The following RBMS3 variants were observed in gnomAD, a reference collection of about 807,000 sequenced individuals.
RBMS3 encodes RNA binding motif single stranded interacting protein 3.
Under a neutral mutation model 66.8 loss-of-function variants are expected in RBMS3, and 27 were observed. That is an observed-to-expected ratio of 0.40 (90% confidence interval 0.30 to 0.56). The LOEUF (loss-of-function observed/expected upper bound fraction) is 0.56. Among genes scored for constraint, RBMS3 ranks in the 20% least tolerant of loss-of-function variants. The pLI is 0.40. For missense variants in RBMS3, 513 were observed against 549.5 expected (o/e 0.93, Z 0.66); for synonymous variants, 188 against 183.0 (o/e 1.03, Z -0.22).
chr3:29,499,894 G>T (rs1185033963), intron 3 of RBMS3, among the ~76,000 whole-genome samples: 1 of 152,032 alleles, frequency 6.6e-6, no homozygotes, highest in African/African-American at 2.4e-5. Context: ...AAACACACTG[G>T]GCCTTGGGCT....
chr3:29,811,261 G>A (rs1376179109), intron 6 of RBMS3, among the ~76,000 whole-genome samples: 2 of 152,086 alleles, frequency 1.3e-5, no homozygotes, highest in Non-Finnish European at 2.9e-5. Context: ...CCACTTCACA[G>A]TTCCATGACC....
At chr3:29,595,941 C>G (rs116832012) in intron 4 of RBMS3, among the ~76,000 whole-genome samples, 2,593 of 152,242 alleles carry the variant, frequency 0.017, 81 homozygotes, top group African/African-American at 0.059. Context: ...ATCCCAAGGA[C>G]AAGGGAGAGA....
chr3:29,534,153 G>A (rs898047754), intron 3 of RBMS3, among the ~76,000 whole-genome samples: 53 of 152,220 alleles, frequency 3.5e-4, no homozygotes, highest in Non-Finnish European at 2.2e-4. Flanking sequence ...TGTAGATGCA[G>A]CAATGTTTCT....
intron 11 of RBMS3, among the ~76,000 whole-genome samples, chr3:29,941,710 A>G (rs1423195876): frequency 6.6e-6 from 1 of 151,816 alleles, no homozygotes; most frequent in African/African-American, 2.4e-5. Context: ...AAAAAGCCTC[A>G]ATAGATAAAA....
At chr3:29,746,796 G>T (rs190103214) in intron 5 of RBMS3, among the ~76,000 whole-genome samples, 1 of 152,126 alleles carries the variant, frequency 6.6e-6, no homozygotes, top group Admixed American at 6.6e-5. Context: ...CAGTCTTGTT[G>T]TATATATGCC....
At position 29,290,744 on chromosome 3, in the gene RBMS3, G is replaced by C. The variant is rs185545174; in HGVS notation, c.75+8988G>C. The C allele has an allele frequency of 2.0e-5, 3 of 151,834 alleles. No individual in the cohort carries two copies. The Admixed American group carries it at 2.0e-4, about 10-fold the overall frequency. The allele number at this position is 151,834 out of a possible 1,614,324, so 9.4% of individuals were successfully genotyped here. A position where few individuals can be genotyped will look rare whatever the true frequency, so the allele number is the denominator to read the frequency against. On this transcript the variant is annotated intron_variant, in intron 1 of 14. Transcript: ENST00000383767. ...CTCTTTCTGACTCGTGTTTAACTTT[G>C]TTGTTGAGCTGGAAAAACACAAGAA...
intron 1 of RBMS3, among the ~76,000 whole-genome samples, chr3:29,382,620 T>C (rs2038815207): frequency 6.6e-6 from 1 of 152,202 alleles, no homozygotes; most frequent in South Asian, 2.1e-4. Context: ...ACCAAAATCC[T>C]GGAAGCAACA....
chr3:29,394,548 T>C (rs111639939), intron 1 of RBMS3, among the ~76,000 whole-genome samples: 8,329 of 152,272 alleles, frequency 0.055, 397 homozygotes, highest in East Asian at 0.21. Context: ...CATGAAATCT[T>C]CAGAATTTAT....
At chr3:29,766,023 T>C (rs928167288) in intron 6 of RBMS3, 4 of 151,972 alleles carry the variant, frequency 2.6e-5, no homozygotes, top group African/African-American at 9.7e-5. Flanking sequence ...TCCCACTGGG[T>C]CCCTCCCACA....
chr3:29,765,022 A>G (rs1173290025), intron 6 of RBMS3, among the ~76,000 whole-genome samples: 1 of 152,044 alleles, frequency 6.6e-6, no homozygotes, highest in Non-Finnish European at 1.5e-5. Context: ...ATTGATCATC[A>G]TCAGTGCTTG....
At chr3:29,992,422 T>C (rs554477044) in intron 14 of RBMS3, among the ~76,000 whole-genome samples, 2 of 151,998 alleles carry the variant, frequency 1.3e-5, no homozygotes, top group South Asian at 2.1e-4. Context: ...CCGTCTCTAC[T>C]AAAAATACAA....
intron 12 of RBMS3, among the ~76,000 whole-genome samples, chr3:29,986,247 G>C (rs979282720): frequency 6.6e-6 from 1 of 152,090 alleles, no homozygotes; most frequent in Non-Finnish European, 1.5e-5. Flanking sequence ...ATTCTCACTT[G>C]CTATAAATCT....
intron 3 of RBMS3, among the ~76,000 whole-genome samples, chr3:29,531,085 G>A (rs1044179248): frequency 6.6e-6 from 1 of 152,124 alleles, no homozygotes; most frequent in African/African-American, 2.4e-5. Flanking sequence ...AGTTAACAGT[G>A]AAAATTCAAC....
At chr3:29,963,233 T>G (rs1696602076) in intron 12 of RBMS3, among the ~76,000 whole-genome samples, 1 of 152,138 alleles carries the variant, frequency 6.6e-6, no homozygotes, top group South Asian at 2.1e-4. Context: ...GATCTGAAAT[T>G]TTGTAGCCTA....
intron 6 of RBMS3, among the ~76,000 whole-genome samples, chr3:29,822,024 G>A (rs1057195717): frequency 2.6e-5 from 4 of 152,110 alleles, no homozygotes; most frequent in African/African-American, 7.2e-5. Flanking sequence ...CATTAATTGG[G>A]TCATTACTTC....
chr3:29,890,657 T>C (rs2059979317), intron 8 of RBMS3, among the ~76,000 whole-genome samples: 1 of 151,632 alleles, frequency 6.6e-6, no homozygotes, highest in Non-Finnish European at 1.5e-5. Context: ...ACAATGGACA[T>C]ATATACAATT....
chr3:29,997,530 G>C (rs1243467606), intron 14 of RBMS3, among the ~76,000 whole-genome samples: 1 of 150,344 alleles, frequency 6.7e-6, no homozygotes, highest in East Asian at 1.9e-4. Flanking sequence ...TAAAATACTG[G>C]CAAAACGAAT....
In RBMS3 at chr3:29,902,669, G is replaced by A. The variant is rs575152579; in HGVS notation, c.939+2914G>A. Among the ~76,000 whole-genome samples the A allele has an allele frequency of 2.0e-5, 3 of 151,868 alleles. No individual in the cohort carries two copies. In the East Asian group the frequency reaches 5.8e-4, roughly 30 times the overall value. ...TATTGCCCATAATTCCAATTTGCTT[G>A]CAACTTTTCTTCTCTGTCACATTTT... On this transcript the variant is annotated intron_variant, in intron 10 of 14. Coordinates refer to ENST00000383767, the MANE Select transcript of RBMS3 (RefSeq NM_001003793.3).
intron 4 of RBMS3, among the ~76,000 whole-genome samples, chr3:29,591,106 C>T (rs964617100): frequency 5.9e-5 from 9 of 152,108 alleles, no homozygotes; most frequent in African/African-American, 2.2e-4. Flanking sequence ...ATGAGTGTTT[C>T]GACTTCTTTG....
Sources: gnomAD v4.1 joint callset for allele counts (sites outside exome capture counted in the v4.1 genomes callset) on GRCh38, gnomAD v4.1.1 for gene constraint, MANE v1.5 for transcripts, NCBI Gene and HGNC (gene_info 2026-07-23, HGNC 2026-07-21) for gene names.